Variants in AMOTL2 observed in about 807,000 individuals in gnomAD.
AMOTL2 encodes angiomotin like 2, also known as angiomotin-like protein 2.
AMOTL2 carries 33 observed loss-of-function variants against 78.4 expected under a neutral mutation model. The ratio of observed to expected loss-of-function variants is 0.42; its 90% CI spans 0.32 to 0.56. AMOTL2 has a LOEUF of 0.56. AMOTL2 is among the 20% of genes least tolerant of loss of function. AMOTL2 has a pLI of 0.12. For missense variants in AMOTL2, 983 were observed against 1,030.1 expected (o/e 0.95, Z 0.63); for synonymous variants, 422 against 428.8 (o/e 0.98, Z 0.20).
chr3:134,360,132 G>C lies in AMOTL2; in HGVS notation c.1857C>G (p.Gly619=). ...TGCTTTCCATCTCCTGATGCCTGTG[G>C]CCACCAGTGAGCAGACCCTCATTGA... is the stretch of plus-strand genomic sequence containing the variant. ...SSFNEGLLTG[G]HRHQEMESRL... is the part of the protein sequence containing the mutation. The change falls in exon 7 of 10, where the codon GGC becomes GGG. Residue 619 remains glycine (G), a synonymous_variant. Coordinates refer to ENST00000249883, the MANE Select transcript of AMOTL2 (RefSeq NM_016201.4). 1 of 1,610,412 alleles carries C rather than the reference G, an allele frequency of 6.2e-7. No individual in the cohort carries two copies. The highest frequency in any genetic ancestry group is 1.7e-5 in the Admixed American group (1 of 59,934).
At position 134,366,308 on chromosome 3, in the gene AMOTL2, C is replaced by A; in HGVS notation, c.1161G>T (p.Leu387=). 2 of 1,614,170 alleles carry A rather than the reference C, an allele frequency of 1.2e-6. No homozygotes were observed. The highest frequency in any genetic ancestry group is 1.7e-6 in the Non-Finnish European group (2 of 1,180,028). ...CTCTAAGATCCCGGTTGAAGTCTTG[C>A]AGCCTCCTCATTTCACTGTCCATCT... ...RNKMDSEMRR[L]QDFNRDLRER... is the part of the protein sequence containing the mutation. The change falls in exon 4 of 10, where the codon CTG becomes CTT. Residue 387 remains leucine (L), a synonymous_variant. Coordinates refer to ENST00000249883, the MANE Select transcript of AMOTL2 (RefSeq NM_016201.4).
intron 7 of AMOTL2, 25 bp from the exon 8 acceptor site, chr3:134,359,528 C>T (rs754685552): frequency 5.1e-6 from 8 of 1,581,130 alleles, no homozygotes; most frequent in East Asian, 4.5e-5. Context: ...GCCATGCCCA[C>T]ATTGTCAGAC....
rs2017097440 is a variant in AMOTL2 at position 134,356,713 on chromosome 3, A to C, written c.*992T>G. The C allele has an allele frequency of 6.6e-6, 1 of 152,500 alleles. No individual in the cohort carries two copies. Among genetic ancestry groups the C allele is most frequent in the African/African-American group, 2.4e-5 (1 of 41,402 alleles). 9.4% of individuals were successfully genotyped at this position (152,500 alleles called of 1,614,324 possible). ...GTACCGGGTAGGGCCACCGAAGCCC[A>C]CCTGGGGGCATGGCAGATGTCTGTT... On this transcript the variant is annotated 3_prime_UTR_variant, in exon 10 of 10. Transcript: ENST00000249883.
At chr3:134,358,312 C>T (rs1316584058) in intron 9 of AMOTL2, among the ~76,000 whole-genome samples, 2 of 152,246 alleles carry the variant, frequency 1.3e-5, no homozygotes, top group African/African-American at 4.8e-5. Context: ...AATTCTGGAT[C>T]TGCCTCTAAT....
intron 2 of AMOTL2, 98 bp downstream of exon 2, chr3:134,370,602 T>C (rs2017802698): frequency 7.0e-7 from 1 of 1,437,688 alleles, no homozygotes; most frequent in Non-Finnish European, 9.2e-7. Context: ...TGGATCTTGC[T>C]AGCTCTGACA....
rs780676822 is a variant in AMOTL2, at chr3:134,361,655, T to C, written c.1432A>G (p.Lys478Glu). The C allele has an allele frequency of 6.2e-7, 1 of 1,612,632 alleles. No individual in the cohort carries two copies. The highest frequency in any genetic ancestry group is 2.2e-5 in the East Asian group (1 of 44,876). ...RAARAEEELR[K>E]KQAYVEKVER... The stretch of plus-strand genomic sequence containing the variant: ...ACTTTCTCCACATAGGCCTGCTTCT[T>C]GCGCAGCTCCTCTTCGGCTCGAGCT... The change falls in exon 6 of 10, where the codon AAG (lysine) becomes GAG (glutamate). Residue 478 changes from lysine (K) to glutamate (E), a missense_variant. Lys to Glu is a moderately conservative substitution (Grantham distance 56, BLOSUM62 1). Transcript: ENST00000249883.
At chr3:134,359,006 G>T (rs1159617686) in intron 8 of AMOTL2, among the ~76,000 whole-genome samples, 2 of 152,232 alleles carry the variant, frequency 1.3e-5, no homozygotes, top group African/African-American at 2.4e-5. Context: ...CATACAAGGT[G>T]TATCTGCACA....
At chr3:134,375,085 G>T, upstream of AMOTL2, 1 of 1,482,128 alleles carries the variant, frequency 6.7e-7, no homozygotes, top group Non-Finnish European at 9.0e-7. Context: ...GGCAACCTTT[G>T]AATGCACTTT....
intron 8 of AMOTL2, 104 bp from the exon 9 acceptor site, chr3:134,358,823 C>T: frequency 7.4e-7 from 1 of 1,357,240 alleles, no homozygotes; most frequent in Non-Finnish European, 1.0e-6. Context: ...GTGGAGTGGG[C>T]TGCTCTTGAT....
rs1576590084 is a variant in AMOTL2 at position 134,372,713 on chromosome 3, G to A, written c.-61-1219C>T. On this transcript the variant is annotated intron_variant, in intron 1 of 9. Coordinates refer to ENST00000249883, the MANE Select transcript of AMOTL2 (RefSeq NM_016201.4). ...GGGAGGCTGTTGGTTGAGAGACCTGGGGCAGGGGAGAGGGGACTGTGAGCC... is the reference window on the plus strand; with the variant it reads ...GGGAGGCTGTTGGTTGAGAGACCTGAGGCAGGGGAGAGGGGACTGTGAGCC... Among the ~76,000 whole-genome samples the A allele has an allele frequency of 2.0e-5, 3 of 152,234 alleles. No homozygotes were observed. The South Asian group carries it at 6.2e-4, about 32-fold the overall frequency.
At chr3:134,374,150 G>A (rs1364879639) in intron 1 of AMOTL2, 192 bp downstream of exon 1, 2 of 816,392 alleles carry the variant, frequency 2.4e-6, no homozygotes, top group Non-Finnish European at 3.0e-6. Flanking sequence ...CCAGCGCGCT[G>A]CGCTCCCTGG....
rs774360198 is a variant in AMOTL2 at position 134,367,621 on chromosome 3, G to A, written c.917C>T (p.Ser306Leu). The change falls in exon 3 of 10, where the codon TCG (serine) becomes TTG (leucine). Residue 306 changes from serine to leucine, a missense_variant. Coordinates refer to ENST00000249883, the MANE Select transcript of AMOTL2 (RefSeq NM_016201.4). ...PVSAQASSAT[S>L]GSAHLAQMEA... is the part of the protein sequence containing the mutation. ...CATCTGGGCCAGGTGGGCACTGCCC[G>A]AGGTGGCTGAGGAGGCCTGGGCACT... is the stretch of plus-strand genomic sequence containing the variant. 94 of 1,613,318 alleles carry A rather than the reference G, an allele frequency of 5.8e-5. 1 individual carries two copies. In the South Asian group the frequency reaches 6.8e-4, roughly 12 times the overall value.
chr3:134,370,904 T>C lies in AMOTL2; in HGVS notation c.530A>G (p.His177Arg), dbSNP rs2017822520. The part of the protein sequence containing the change: ...LERNGARAPS[H>R]MSSSHSFPQL... ...TGGGAAGCTGTGGGAGGAGCTCATGTGGCTGGGGGCCCGGGCGCCGTTCCT... is the reference window on the plus strand; with the variant it reads ...TGGGAAGCTGTGGGAGGAGCTCATGCGGCTGGGGGCCCGGGCGCCGTTCCT... Residue 177 changes from histidine to arginine, a missense_variant, in exon 2 of 10, where the codon CAC (histidine) becomes CGC (arginine). His to Arg is a conservative substitution (Grantham distance 29). Coordinates refer to ENST00000249883, the MANE Select transcript of AMOTL2 (RefSeq NM_016201.4). 6.2e-7 allele frequency: 1 copy of C among 1,612,240 alleles called. No individual in the cohort carries two copies. The highest frequency in any genetic ancestry group is 8.5e-7 in the Non-Finnish European group (1 of 1,179,388).
chr3:134,374,549 C>A (rs1235307277), upstream of AMOTL2: 1 of 985,392 alleles, frequency 1.0e-6, no homozygotes, highest in Non-Finnish European at 1.2e-6. Context: ...GGGATCAAAG[C>A]GAACCACAAA....
At chr3:134,359,595 CCCCCAACT>C in intron 7 of AMOTL2, 92 bp from the exon 8 acceptor site, 1 of 990,816 alleles carries the variant, frequency 1.0e-6, no homozygotes, top group Non-Finnish European at 1.5e-6. Context: ...GGAAAAGCCC[CCCCCAACT>C]CCCCCAACCC....
chr3:134,374,750 T>C, upstream of AMOTL2: 1 of 991,436 alleles, frequency 1.0e-6, no homozygotes, highest in East Asian at 1.1e-4. Context: ...CCTTCGGAGC[T>C]GCTGGAGACA....
At chr3:134,373,337 G>A (rs996142835) in intron 1 of AMOTL2, among the ~76,000 whole-genome samples, 2 of 152,048 alleles carry the variant, frequency 1.3e-5, no homozygotes, top group Non-Finnish European at 2.9e-5. Flanking sequence ...AGGAAGGAAT[G>A]CGGAGCCTTC....
upstream of AMOTL2, chr3:134,374,720 C>T (rs968262145): frequency 1.4e-5 from 14 of 982,654 alleles, no homozygotes; most frequent in Non-Finnish European, 1.7e-5. Flanking sequence ...GCGGTGTGTC[C>T]GCCCCTGCCC....
Position 134,367,735 on chromosome 3 carries a change from G to C in AMOTL2, c.803C>G (p.Ser268Cys), listed in dbSNP as rs1182104571. 2 of 1,613,722 alleles carry C rather than the reference G, an allele frequency of 1.2e-6. No individual in the cohort carries two copies. The highest frequency in any genetic ancestry group is 4.5e-5 in the East Asian group (2 of 44,886). Residue 268 changes from serine (S) to cysteine (C), a missense_variant, in exon 3 of 10, where the codon TCT becomes TGT. Coordinates refer to ENST00000249883, the MANE Select transcript of AMOTL2 (RefSeq NM_016201.4). ...QQQQYQYLQQ[S>C]QEHPPPPHPA... ...ATGTGGGGGAGGGGGGTGCTCCTGA[G>C]ATTGCTGCAGGTACTGGTACTGCTG...
Sources: gnomAD v4.1 joint callset for allele counts (sites outside exome capture counted in the v4.1 genomes callset) on GRCh38, gnomAD v4.1.1 for gene constraint, MANE v1.5 for transcripts, NCBI Gene and HGNC (gene_info 2026-07-23, HGNC 2026-07-21) for gene names.